The following LEMD2 variants were observed in gnomAD, a reference collection of about 807,000 sequenced individuals.
The protein encoded by LEMD2 is LEM domain-containing protein 2.
Under a neutral mutation model 58.8 loss-of-function variants are expected in LEMD2, and 34 were observed. That is an observed-to-expected ratio of 0.58 (90% CI 0.44 to 0.77). LEMD2 has a LOEUF of 0.77. Ranked by LOEUF, LEMD2 falls within the 30% of genes least tolerant of loss-of-function variation. The pLI, the probability that LEMD2 is intolerant of heterozygous loss-of-function variation, is 0.00. For missense variants in LEMD2, 629 were observed against 717.9 expected (o/e 0.88, Z 1.42); for synonymous variants, 298 against 308.9 (o/e 0.96, Z 0.37).
chr6:33,776,435 C>T (rs1767431987), intron 8 of LEMD2, among the ~76,000 whole-genome samples: 1 of 152,208 alleles, frequency 6.6e-6, no homozygotes, highest in African/African-American at 2.4e-5. Flanking sequence ...CCTACTTTTC[C>T]CCTGCTGGCT....
In LEMD2 at chr6:33,788,922, C is replaced by T; in HGVS notation, c.195G>A (p.Glu65=). 2 of 1,480,450 alleles carry T rather than the reference C, an allele frequency of 1.4e-6. No homozygotes were observed. The highest frequency in any genetic ancestry group is 1.8e-6 in the Non-Finnish European group (2 of 1,122,774). 91.7% of individuals were successfully genotyped at this position (1,480,450 alleles called of 1,614,324 possible). Residue 65 remains glutamate (E), a synonymous_variant, in exon 1 of 9, where the codon GAG becomes GAA. Transcript: ENST00000293760. The part of the protein sequence containing the change: ...RPRGEERLRE[E]ARLREDAPLR... ...GCGGCGCATCCTCGCGTAACCGGGC[C>T]TCTTCCCGTAACCGCTCCTCGCCCC...
chr6:33,773,126 C>A (rs1767342946), intron 8 of LEMD2, among the ~76,000 whole-genome samples: 1 of 152,192 alleles, frequency 6.6e-6, no homozygotes, highest in Admixed American at 6.5e-5. Context: ...TTCCAGTACC[C>A]CGCCAACTGC....
rs1767748785 is a variant in LEMD2 at position 33,788,776 on chromosome 6, C to G, written c.341G>C (p.Trp114Ser). The change falls in exon 1 of 9, where the codon TGG becomes TCG. Residue 114 changes from tryptophan to serine, a missense_variant. Trp to Ser is a radical substitution (Grantham distance 177, BLOSUM62 -3). Coordinates refer to ENST00000293760, the MANE Select transcript of LEMD2 (RefSeq NM_181336.4). The part of the protein sequence containing the change: ...YGDIRPSAAS[W>S]VGSRGLAYPA... Reference sequence around the variant, plus strand: ...ATAGGCGAGGCCGCGGCTCCCTACCCAGGAAGCCGCGGAGGGCCGGATATC... The same window carrying G: ...ATAGGCGAGGCCGCGGCTCCCTACCGAGGAAGCCGCGGAGGGCCGGATATC... The G allele has an allele frequency of 6.9e-7, 1 of 1,452,186 alleles. No individual in the cohort carries two copies. The highest frequency in any genetic ancestry group is 1.5e-5 in the African/African-American group (1 of 68,104). The allele number at this position is 1,452,186 out of a possible 1,614,324, so 90.0% of individuals were successfully genotyped here. A position where few individuals can be genotyped will look rare whatever the true frequency, so the allele number is the denominator to read the frequency against.
chr6:33,772,619 G>T lies in LEMD2; in HGVS notation c.*9C>A. On this transcript the variant is annotated 3_prime_UTR_variant, in exon 9 of 9. Coordinates refer to ENST00000293760, the MANE Select transcript of LEMD2 (RefSeq NM_181336.4). ...ACAGGCTGACCGGGAACAAGTCCCC[G>T]CCCGGGGCTTATCGCTCTGAGTCAG... 6.2e-7 allele frequency: 1 copy of T among 1,611,802 alleles called. No individual in the cohort carries two copies. Among genetic ancestry groups the T allele is most frequent in the Non-Finnish European group, 8.5e-7 (1 of 1,178,784 alleles).
chr6:33,782,217 T>A (rs1767581270), intron 3 of LEMD2: 1 of 152,304 alleles, frequency 6.6e-6, no homozygotes, highest in South Asian at 2.1e-4. Flanking sequence ...CTCGATTCGG[T>A]TCCTCCTCTC....
At chr6:33,782,939 GC>G (rs939011948) in intron 3 of LEMD2, among the ~76,000 whole-genome samples, 3 of 152,264 alleles carry the variant, frequency 2.0e-5, no homozygotes, top group African/African-American at 7.2e-5. Context: ...AGGTGCCAGG[GC>G]CCTTGAGGGC....
chr6:33,779,910 C>G, intron 5 of LEMD2, 190 bp downstream of exon 5: 1 of 581,204 alleles, frequency 1.7e-6, no homozygotes. Flanking sequence ...TGAAGCTGCT[C>G]CTTACACTGC....
chr6:33,783,146 T>C (rs901466430), intron 3 of LEMD2, among the ~76,000 whole-genome samples: 2 of 152,220 alleles, frequency 1.3e-5, no homozygotes, highest in Non-Finnish European at 2.9e-5. Context: ...GCAGATGCTA[T>C]GGGTCCTTGG....
intron 1 of LEMD2, 187 bp from the exon 2 acceptor site, chr6:33,786,961 G>T: frequency 7.4e-7 from 1 of 1,346,482 alleles, no homozygotes; most frequent in Non-Finnish European, 9.7e-7. Flanking sequence ...TCCAAATCCT[G>T]GATTAGGAAT....
At chr6:33,775,883 A>G (rs1439086442) in intron 8 of LEMD2, among the ~76,000 whole-genome samples, 14 of 152,218 alleles carry the variant, frequency 9.2e-5, no homozygotes, top group Non-Finnish European at 1.5e-5. Context: ...GGGAGCACTC[A>G]GCAAGGGTGA....
Position 33,788,583 on chromosome 6 carries a change from A to G in LEMD2, c.534T>C (p.Gly178=). ...APARLPSSLL[G]PDPRPGLRAT... Reference sequence around the variant, plus strand: ...CCCGCAGGCCCGGGCGCGGGTCGGGACCGAGGAGGGAGGAAGGCAGCCGCG... The same window carrying G: ...CCCGCAGGCCCGGGCGCGGGTCGGGGCCGAGGAGGGAGGAAGGCAGCCGCG... The change falls in exon 1 of 9, where the codon GGT becomes GGC. Residue 178 remains glycine (G), a synonymous_variant. Transcript: ENST00000293760. 7.6e-7 allele frequency: 1 copy of G among 1,323,468 alleles called. No individual in the cohort carries two copies. The allele number at this position is 1,323,468 out of a possible 1,614,324, so 82.0% of individuals were successfully genotyped here. A position where few individuals can be genotyped will look rare whatever the true frequency, so the allele number is the denominator to read the frequency against.
chr6:33,783,616 C>T (rs184484556), intron 3 of LEMD2, among the ~76,000 whole-genome samples: 4 of 152,358 alleles, frequency 2.6e-5, no homozygotes, highest in East Asian at 1.9e-4. Context: ...GGATGCCAGG[C>T]GTCGGGCAGG....
chr6:33,786,697 A>G, intron 2 of LEMD2, 37 bp downstream of exon 2: 1 of 1,545,806 alleles, frequency 6.5e-7, no homozygotes, highest in Non-Finnish European at 8.9e-7. Flanking sequence ...TAATATCCTC[A>G]GGAAGAATAA....
intron 8 of LEMD2, 150 bp from the exon 9 acceptor site, chr6:33,772,928 G>A: frequency 2.0e-6 from 1 of 494,748 alleles, no homozygotes; most frequent in Non-Finnish European, 3.7e-6. Context: ...GACAACTGCA[G>A]AGGAGAAAAA....
At chr6:33,788,353 C>A in intron 1 of LEMD2, 28 bp downstream of exon 1, 4 of 1,525,036 alleles carry the variant, frequency 2.6e-6, no homozygotes, top group Non-Finnish European at 3.5e-6. Flanking sequence ...GCGCCCAGGG[C>A]CCTCCCCTGC....
chr6:33,785,879 A>G (rs1767665196), intron 2 of LEMD2, among the ~76,000 whole-genome samples: 1 of 152,270 alleles, frequency 6.6e-6, no homozygotes, highest in Admixed American at 6.5e-5. Flanking sequence ...ACCCGAAGCC[A>G]AAGAGAAATA....
intron 3 of LEMD2, among the ~76,000 whole-genome samples, chr6:33,782,908 C>T (rs1365753661): frequency 6.6e-6 from 1 of 152,258 alleles, no homozygotes; most frequent in African/African-American, 2.4e-5. Context: ...AGGCGGCCCC[C>T]CAGGCTTGTC....
At chr6:33,785,825 G>T (rs1340704028) in intron 2 of LEMD2, among the ~76,000 whole-genome samples, 1 of 152,174 alleles carries the variant, frequency 6.6e-6, no homozygotes, top group African/African-American at 2.4e-5. Context: ...TTTGGTGGAT[G>T]AATCCAATAA....
chr6:33,788,302 T>C lies in LEMD2; in HGVS notation c.736+79A>G. The C allele has an allele frequency of 2.2e-6, 3 of 1,390,894 alleles. 1 individual carries two copies. The highest frequency in any genetic ancestry group is 9.5e-7 in the Non-Finnish European group (1 of 1,051,000). The allele number at this position is 1,390,894 out of a possible 1,614,324, so 86.2% of individuals were successfully genotyped here. ...CTGACAAGGCCGGAAGTGCGCGGCC[T>C]GGCGCCGACAGGAACGGGGGGTCCT... On this transcript the variant is annotated intron_variant, in intron 1 of 8. Transcript: ENST00000293760.
Sources: allele counts gnomAD v4.1 joint callset (sites outside exome capture counted in the v4.1 genomes callset), GRCh38; gene constraint gnomAD v4.1.1; transcripts MANE v1.5; gene names NCBI Gene and HGNC (gene_info 2026-07-23, HGNC 2026-07-21).